PPM1B: variants seen among roughly 807,000 people sequenced by gnomAD.
PPM1B encodes protein phosphatase 1B.
Under a neutral mutation model 43.0 loss-of-function variants are expected in PPM1B, and 22 were observed. That is an observed-to-expected ratio of 0.51 (90% CI 0.37 to 0.73). PPM1B has a LOEUF of 0.73. Among genes scored for constraint, PPM1B ranks in the 30% least tolerant of loss-of-function variants. The pLI is 0.00. For missense variants in PPM1B, 632 were observed against 584.2 expected (o/e 1.08, Z -0.84); for synonymous variants, 217 against 197.9 (o/e 1.10, Z -0.81).
At chr2:44,215,003 C>T (rs1351068790) in intron 3 of PPM1B, among the ~76,000 whole-genome samples, 2 of 152,152 alleles carry the variant, frequency 1.3e-5, no homozygotes, top group Non-Finnish European at 2.9e-5. Context: ...TTCAGTTTAA[C>T]ATGAGTTAAT....
chr2:44,242,443 TA>T lies in PPM1B; in HGVS notation n.1547-1781del, dbSNP rs1234313461. Among the ~76,000 whole-genome samples the T allele has an allele frequency of 4.6e-5, 7 of 152,312 alleles. No homozygotes were observed. In the East Asian group the frequency reaches 1.3e-3, roughly 29 times the overall value. On this transcript the variant is annotated intron_variant and non_coding_transcript_variant, in intron 5 of 5. Coordinates refer to the PPM1B transcript ENST00000378540. Reference sequence around the variant, plus strand: ...CAAAATGTGAAATCTGGGCAATAGGTAAAATTGTTGTATTTTTCTCTAATTT... The same window carrying T: ...CAAAATGTGAAATCTGGGCAATAGGTAAATTGTTGTATTTTTCTCTAATTT...
chr2:44,223,653 CA>C (rs570141669), intron 5 of PPM1B, among the ~76,000 whole-genome samples: 2 of 149,816 alleles, frequency 1.3e-5, no homozygotes, highest in African/African-American at 4.9e-5. Context: ...ACTAAAAATA[CA>C]AAAAAAACAA....
At chr2:44,220,281 T>TATATATAC (rs941953034) in intron 5 of PPM1B, among the ~76,000 whole-genome samples, 1 of 151,560 alleles carries the variant, frequency 6.6e-6, no homozygotes, top group African/African-American at 2.4e-5. Flanking sequence ...TATATATATA[T>TATATATAC]ACCTTGCTGG....
In PPM1B at chr2:44,171,250, C is replaced by T. The variant is rs115588751; in HGVS notation, c.-15+1976C>T. 2.8e-3 allele frequency among the ~76,000 whole-genome samples: 431 copies of T among 152,220 alleles called. 2 individuals carry two copies. Among genetic ancestry groups the T allele is most frequent in the African/African-American group, 0.01 (419 of 41,538 alleles). ...GAAAGGCCTTTCAATTTAGTCATGT[C>T]AGTAAATACTGTTTTATGTTAGTAA... is the stretch of plus-strand genomic sequence containing the variant. On this transcript the variant is annotated intron_variant, in intron 1 of 5. Transcript: ENST00000282412.
intron 5 of PPM1B, among the ~76,000 whole-genome samples, chr2:44,227,376 A>G (rs1008351236): frequency 6.6e-6 from 1 of 152,188 alleles, no homozygotes; most frequent in East Asian, 1.9e-4. Context: ...AAATTCAAAG[A>G]AAATAAAGTA....
rs1246128778 is a variant in PPM1B, at chr2:44,241,984, G to A, written n.1547-2244G>A. ...CGCCATTCTCCTGCCCCAGCCTTCC[G>A]AGTAGCTGGGAGTACAGGCACCTGC... On this transcript the variant is annotated intron_variant and non_coding_transcript_variant, in intron 5 of 5. Transcript: ENST00000378540. 2.8e-5 allele frequency among the ~76,000 whole-genome samples: 4 copies of A among 141,552 alleles called. No homozygotes were observed. In the East Asian group the frequency reaches 9.3e-4, roughly 33 times the overall value. The allele number at this position is 141,552 out of a possible 152,430, so 92.9% of individuals were successfully genotyped here.
chr2:44,224,372 G>A (rs1239599621), intron 5 of PPM1B, among the ~76,000 whole-genome samples: 3 of 150,476 alleles, frequency 2.0e-5, no homozygotes, highest in South Asian at 2.1e-4. Context: ...GGAGAATGGC[G>A]TGAACCCGGG....
At chr2:44,236,402 C>CAAAAAAAAAAAAAAA (rs61414038), downstream of PPM1B, among the ~76,000 whole-genome samples, 1,089 of 47,482 alleles carry the variant, frequency 0.023, 226 homozygotes, top group Non-Finnish European at 0.031. Flanking sequence ...GACTCCGTCT[C>CAAAAAAAAAAAAAAA]AAAAAAAAAA....
chr2:44,224,273 G>A (rs1670112433), intron 5 of PPM1B, among the ~76,000 whole-genome samples: 1 of 152,066 alleles, frequency 6.6e-6, no homozygotes, highest in African/African-American at 2.4e-5. Flanking sequence ...GGCTAACATG[G>A]TGATACCCTG....
At chr2:44,191,948 G>A (rs959175982) in intron 1 of PPM1B, among the ~76,000 whole-genome samples, 8 of 151,916 alleles carry the variant, frequency 5.3e-5, no homozygotes, top group Non-Finnish European at 1.0e-4. Context: ...TGACACTTAG[G>A]GTGTTTAGTT....
chr2:44,244,906 A>G (rs1372081), downstream of PPM1B, among the ~76,000 whole-genome samples: 8,288 of 150,158 alleles, frequency 0.055, 267 homozygotes, highest in East Asian at 0.13. Flanking sequence ...ATACACATGT[A>G]TTTTTAGGGC....
intron 1 of PPM1B, among the ~76,000 whole-genome samples, chr2:44,197,962 A>C (rs1668740517): frequency 6.6e-6 from 1 of 152,110 alleles, no homozygotes; most frequent in Non-Finnish European, 1.5e-5. Flanking sequence ...AACCTTTGGG[A>C]AAAATTTTAT....
At chr2:44,182,923 G>A (rs1332196813) in intron 1 of PPM1B, among the ~76,000 whole-genome samples, 1 of 152,112 alleles carries the variant, frequency 6.6e-6, no homozygotes, top group African/African-American at 2.4e-5. Context: ...GAGTTTATGG[G>A]ATCTAGATTG....
At chr2:44,179,964 CT>C (rs1239887247) in intron 1 of PPM1B, among the ~76,000 whole-genome samples, 4 of 148,794 alleles carry the variant, frequency 2.7e-5, no homozygotes, top group African/African-American at 9.9e-5. Context: ...AGCCGAGATC[CT>C]ACCATTGCAC....
chr2:44,191,574 G>A (rs1260908209), intron 1 of PPM1B, among the ~76,000 whole-genome samples: 1 of 152,130 alleles, frequency 6.6e-6, no homozygotes, highest in African/African-American at 2.4e-5. Context: ...TCATTTTCCA[G>A]CTACTTTGTT....
intron 1 of PPM1B, among the ~76,000 whole-genome samples, chr2:44,195,586 A>G (rs1488064898): frequency 6.6e-6 from 1 of 152,114 alleles, no homozygotes; most frequent in Non-Finnish European, 1.5e-5. Flanking sequence ...TTGATGTGGG[A>G]GGATTGCTGG....
chr2:44,230,081 T>G lies in PPM1B; in HGVS notation c.1135-332T>G, dbSNP rs529972256. 9.8e-6 allele frequency: 15 copies of G among 1,525,034 alleles called. No individual in the cohort carries two copies. In the South Asian group the frequency reaches 1.5e-4, roughly 16 times the overall value. 94.5% of individuals were successfully genotyped at this position (1,525,034 alleles called of 1,614,324 possible). A position where few individuals can be genotyped will look rare whatever the true frequency, so the allele number is the denominator to read the frequency against. On this transcript the variant is annotated intron_variant, in intron 5 of 5. Transcript: ENST00000282412. ...ATTGATTTTCTTTTGTACTAAATCA[T>G]ATAGCCAAATATTGTTTAAGTAAGT... is the stretch of plus-strand genomic sequence containing the variant.
At chr2:44,179,529 T>C (rs1056521539) in intron 1 of PPM1B, among the ~76,000 whole-genome samples, 1 of 152,210 alleles carries the variant, frequency 6.6e-6, no homozygotes, top group Non-Finnish European at 1.5e-5. Context: ...AATGGTGTTT[T>C]ATTTTGACTT....
At chr2:44,188,270 T>G (rs951902937) in intron 1 of PPM1B, among the ~76,000 whole-genome samples, 2 of 152,194 alleles carry the variant, frequency 1.3e-5, no homozygotes, top group Non-Finnish European at 2.9e-5. Flanking sequence ...ATGAAGTATC[T>G]TTTTGAATCT....
Sources: gnomAD v4.1 joint callset for allele counts (sites outside exome capture counted in the v4.1 genomes callset) on GRCh38, gnomAD v4.1.1 for gene constraint, MANE v1.5 for transcripts, NCBI Gene and HGNC (gene_info 2026-07-23, HGNC 2026-07-21) for gene names.